The following TMEM231 variants were observed in gnomAD, a reference collection of about 807,000 sequenced individuals.
TMEM231 encodes transmembrane protein 231.
A neutral mutation model predicts 38.5 loss-of-function variants in TMEM231; 40 were observed. The observed-to-expected ratio is 1.04, with a 90% CI of 0.81 to 1.35. TMEM231 has a LOEUF of 1.35. TMEM231 is among the 40% of genes most tolerant of loss of function. TMEM231 has a pLI of 0.00. For missense variants in TMEM231, 420 were observed against 416.9 expected (o/e 1.01, Z -0.07); for synonymous variants, 199 against 181.7 (o/e 1.10, Z -0.77).
At chr16:75,542,912 ATCT>A (rs1470341728) in intron 4 of TMEM231, among the ~76,000 whole-genome samples, 3 of 152,152 alleles carry the variant, frequency 2.0e-5, no homozygotes, top group African/African-American at 7.2e-5. Context: ...AGTATCAATA[ATCT>A]TCTCTTCAAA....
chr16:75,552,484 T>TA (rs1428604687), intron 2 of TMEM231, among the ~76,000 whole-genome samples: 1 of 152,038 alleles, frequency 6.6e-6, no homozygotes, highest in African/African-American at 2.4e-5. Context: ...AAACAATTCA[T>TA]AAAAGAAACT....
In TMEM231 at chr16:75,555,803, C is replaced by T; in HGVS notation, c.309+1G>A. 1 of 1,532,952 alleles carries T rather than the reference C, an allele frequency of 6.5e-7. No homozygotes were observed. The highest frequency in any genetic ancestry group is 1.4e-5 in the African/African-American group (1 of 72,952). 95.0% of individuals were successfully genotyped at this position (1,532,952 alleles called of 1,614,324 possible). A position where few individuals can be genotyped will look rare whatever the true frequency, so the allele number is the denominator to read the frequency against. On this transcript the variant is annotated splice_donor_variant, in intron 2 of 6. Coordinates refer to ENST00000258173, the MANE Select transcript of TMEM231 (RefSeq NM_001077418.3). LOFTEE classifies it high-confidence loss of function. The stretch of plus-strand genomic sequence containing the variant: ...CCCAGGCCCAGGCGGGAACCACGCA[C>T]CGAAACGAGCGGGACGCGCAGGCGA...
In TMEM231 at chr16:75,540,294, C is replaced by A. The variant is rs1001314750; in HGVS notation, c.771-120G>T. The A allele has an allele frequency of 2.1e-5, 21 of 982,698 alleles. No homozygotes were observed. In the Admixed American group the frequency reaches 3.6e-4, roughly 17 times the overall value. The allele number at this position is 982,698 out of a possible 1,614,324, so 60.9% of individuals were successfully genotyped here. A position where few individuals can be genotyped will look rare whatever the true frequency, so the allele number is the denominator to read the frequency against. ...GGCAGGACCTCTGTCATGTACACAC[C>A]CAGATGGAAGCTGACCTGAACTTGG... On this transcript the variant is annotated intron_variant, in intron 6 of 6. Coordinates refer to ENST00000258173, the MANE Select transcript of TMEM231 (RefSeq NM_001077418.3).
At chr16:75,550,573 C>G (rs1462697351) in intron 2 of TMEM231, among the ~76,000 whole-genome samples, 2 of 152,244 alleles carry the variant, frequency 1.3e-5, no homozygotes, top group East Asian at 3.9e-4. Context: ...GCAGGAATTG[C>G]CAGAAATTCA....
rs1047213479 is a variant in TMEM231 at position 75,538,857 on chromosome 16, C to T, written c.*1137G>A. ...CCAGCCATCTCTGCTCCTGCAGACA[C>T]TTGCTTAGCCACGAGGGTAATCCAC... is the stretch of plus-strand genomic sequence containing the variant. On this transcript the variant is annotated 3_prime_UTR_variant, in exon 7 of 7. Transcript: ENST00000258173. 3 of 152,366 alleles carry T rather than the reference C, an allele frequency of 2.0e-5. No individual in the cohort carries two copies. The highest frequency in any genetic ancestry group is 4.4e-5 in the Non-Finnish European group (3 of 68,152). The allele number at this position is 152,366 out of a possible 1,614,324, so 9.4% of individuals were successfully genotyped here. A position where few individuals can be genotyped will look rare whatever the true frequency, so the allele number is the denominator to read the frequency against.
At chr16:75,542,836 A>C (rs1161493372) in intron 4 of TMEM231, among the ~76,000 whole-genome samples, 153 bp from the exon 5 acceptor site, 1 of 147,578 alleles carries the variant, frequency 6.8e-6, no homozygotes, top group East Asian at 2.0e-4. Context: ...AAAGATGAAT[A>C]AAACAGGCTG....
intron 2 of TMEM231, among the ~76,000 whole-genome samples, chr16:75,547,301 T>A (rs933418940): frequency 6.6e-6 from 1 of 152,246 alleles, no homozygotes; most frequent in Non-Finnish European, 1.5e-5. Context: ...TTTTTCAGGC[T>A]AATAATAAGG....
At position 75,556,168 on chromosome 16, in the gene TMEM231, A is replaced by C; in HGVS notation, c.42T>G (p.Ser14Arg). 2 of 1,539,454 alleles carry C rather than the reference A, an allele frequency of 1.3e-6. No homozygotes were observed. The highest frequency in any genetic ancestry group is 2.5e-5 in the South Asian group (2 of 80,880). The change falls in exon 1 of 7, where the codon AGT becomes AGG. Residue 14 changes from serine (S) to arginine (R), a missense_variant. By Grantham distance (110) the Ser-to-Arg change is moderately radical. Coordinates refer to ENST00000258173, the MANE Select transcript of TMEM231 (RefSeq NM_001077418.3). Reference protein sequence around the residue: ...YELFSHPVERSYRAGLCSKAA... With the variant: ...YELFSHPVERRYRAGLCSKAA... ...CTTTGGAGCAGAGCCCCGCGCGGTA[A>C]CTGCGCTCGACCGGGTGAGAGAAGA...
Position 75,538,728 on chromosome 16 carries a change from G to C in TMEM231, c.*1266C>G, listed in dbSNP as rs2080587008. The C allele has an allele frequency of 6.6e-6, 1 of 152,228 alleles. No individual in the cohort carries two copies. 9.4% of individuals were successfully genotyped at this position (152,228 alleles called of 1,614,324 possible). On this transcript the variant is annotated 3_prime_UTR_variant, in exon 7 of 7. Coordinates refer to ENST00000258173, the MANE Select transcript of TMEM231 (RefSeq NM_001077418.3). ...CATGTCCTTCCAGTGGCAATGACCT[G>C]CTTGGGATCAGGAAGCAGCTCCATG...
rs768391371 is a variant in TMEM231 at position 75,542,651 on chromosome 16, G to C, written c.615C>G (p.Ala205=). 1 of 1,613,914 alleles carries C rather than the reference G, an allele frequency of 6.2e-7. No individual in the cohort carries two copies. Among genetic ancestry groups the C allele is most frequent in the East Asian group, 2.2e-5 (1 of 44,874 alleles). ...ISVINGTSPF[A]YDYDLTHIVA... The stretch of plus-strand genomic sequence containing the variant: ...CAATATGGGTGAGGTCGTAGTCATA[G>C]GCAAAGGGGCTGGTCCCGTTGATCA... The change falls in exon 5 of 7, where the codon GCC becomes GCG. Residue 205 remains alanine (A), a synonymous_variant. Transcript: ENST00000258173.
rs1366878493 is a variant in TMEM231 at position 75,537,169 on chromosome 16, A to C, written c.*2825T>G. The C allele has an allele frequency of 6.8e-6, 1 of 146,896 alleles. No individual in the cohort carries two copies. The highest frequency in any genetic ancestry group is 2.7e-5 in the African/African-American group (1 of 36,478). The allele number at this position is 146,896 out of a possible 1,614,324, so 9.1% of individuals were successfully genotyped here. A position where few individuals can be genotyped will look rare whatever the true frequency, so the allele number is the denominator to read the frequency against. On this transcript the variant is annotated 3_prime_UTR_variant, in exon 7 of 7. Coordinates refer to ENST00000258173, the MANE Select transcript of TMEM231 (RefSeq NM_001077418.3). ...AAGAAAAAGAAAAGAAAAACCACCT[A>C]CTGGGTACTATGCTTATTACGTGGG...
Position 75,539,426 on chromosome 16 carries a change from C to A in TMEM231, c.*568G>T, listed in dbSNP as rs2080595412. ...TCCAAGTGTCCTTCAGCGGCCCTCC[C>A]TGATTGCCTGTGCTAATGCGGCCCT... On this transcript the variant is annotated 3_prime_UTR_variant, in exon 7 of 7. Transcript: ENST00000258173. 1 of 151,942 alleles carries A rather than the reference C, an allele frequency of 6.6e-6. No homozygotes were observed. Among genetic ancestry groups the A allele is most frequent in the African/African-American group, 2.4e-5 (1 of 41,442 alleles). The allele number at this position is 151,942 out of a possible 1,614,324, so 9.4% of individuals were successfully genotyped here.
At chr16:75,541,084 G>A (rs1308004411) in intron 6 of TMEM231, among the ~76,000 whole-genome samples, 2 of 151,980 alleles carry the variant, frequency 1.3e-5, no homozygotes, top group East Asian at 3.9e-4. Flanking sequence ...CACAATCATC[G>A]CTCACTGCAA....
chr16:75,555,517 CGG>C, intron 2 of TMEM231: 2 of 392,888 alleles, frequency 5.1e-6, no homozygotes, highest in Non-Finnish European at 9.0e-6. Context: ...GGGTGTGACC[CGG>C]GCAGACACAG....
intron 2 of TMEM231, among the ~76,000 whole-genome samples, chr16:75,546,267 A>AT (rs1262032684): frequency 6.6e-6 from 1 of 152,176 alleles, no homozygotes; most frequent in Non-Finnish European, 1.5e-5. Context: ...TTTTGCACTG[A>AT]TATTTTTTTC....
rs559693765 is a variant in TMEM231, at chr16:75,550,686, T to C, written c.310-4732A>G. Among the ~76,000 whole-genome samples the C allele has an allele frequency of 1.2e-3, 178 of 152,148 alleles. 2 individuals carry two copies. Among genetic ancestry groups the C allele is most frequent in the African/African-American group, 3.9e-3 (164 of 41,526 alleles). Reference sequence around the variant, plus strand: ...GAATTTTGTTTGGTTTCTGTTTTGTTTGCGTACATTTCATTCATTTAAGTC... The same window carrying C: ...GAATTTTGTTTGGTTTCTGTTTTGTCTGCGTACATTTCATTCATTTAAGTC... On this transcript the variant is annotated intron_variant, in intron 2 of 6. Coordinates refer to ENST00000258173, the MANE Select transcript of TMEM231 (RefSeq NM_001077418.3).
intron 2 of TMEM231, among the ~76,000 whole-genome samples, chr16:75,550,972 C>G (rs2079975017): frequency 6.6e-6 from 1 of 152,150 alleles, no homozygotes; most frequent in Non-Finnish European, 1.5e-5. Context: ...CCGCCTCGGC[C>G]TCCCAAAGTG....
intron 5 of TMEM231, 78 bp from the exon 6 acceptor site, chr16:75,541,533 C>A: frequency 2.3e-6 from 2 of 852,568 alleles, no homozygotes; most frequent in Non-Finnish European, 1.7e-6. Flanking sequence ...TTATTTGATA[C>A]CTGGAAATTA....
At chr16:75,542,739 C>A in intron 4 of TMEM231, 56 bp from the exon 5 acceptor site, 4 of 1,530,568 alleles carry the variant, frequency 2.6e-6, no homozygotes, top group Admixed American at 1.7e-5. Flanking sequence ...TCCCCTTTTC[C>A]TTCTACCCTT....
Sources: allele counts gnomAD v4.1 joint callset (sites outside exome capture counted in the v4.1 genomes callset), GRCh38; gene constraint gnomAD v4.1.1; transcripts MANE v1.5; gene names NCBI Gene and HGNC (gene_info 2026-07-23, HGNC 2026-07-21).